The following ALMS1 variants were observed in gnomAD, a reference collection of about 807,000 sequenced individuals.
The protein encoded by ALMS1 is centrosome-associated protein ALMS1.
ALMS1 carries 271 observed loss-of-function variants against 352.2 expected under a neutral mutation model. That is an observed-to-expected ratio of 0.77 (90% CI 0.70 to 0.85). The LOEUF is 0.85. Ranked by LOEUF, ALMS1 falls within the 40% of genes least tolerant of loss-of-function variation. The pLI, the probability that ALMS1 is intolerant of heterozygous loss-of-function variation, is 0.00. For synonymous variants in ALMS1, 1,865 were observed against 1,761.2 expected, an observed-to-expected ratio of 1.06 and a Z score of -1.48; for missense variants, 5,445 against 4,870.7, an observed-to-expected ratio of 1.12 and a Z score of -3.51.
chr2:73,393,403 TA>T (rs1046055970), intron 1 of ALMS1, among the ~76,000 whole-genome samples: 1 of 151,912 alleles, frequency 6.6e-6, no homozygotes, highest in Non-Finnish European at 1.5e-5. Context: ...TTTTTTTTTT[TA>T]AATTTTATTG....
chr2:73,588,433 C>T (rs555187319), intron 16 of ALMS1, among the ~76,000 whole-genome samples: 1 of 152,176 alleles, frequency 6.6e-6, no homozygotes, highest in East Asian at 1.9e-4. Flanking sequence ...CTCTATTCTT[C>T]TTCTGATTAC....
chr2:73,466,507 G>C (rs1414576145), intron 9 of ALMS1, among the ~76,000 whole-genome samples: 1 of 125,436 alleles, frequency 8.0e-6, no homozygotes, highest in African/African-American at 3.1e-5. Flanking sequence ...GGGGGGAGGG[G>C]GGAGGGATAG....
chr2:73,517,019 C>T (rs181861976), intron 10 of ALMS1, among the ~76,000 whole-genome samples: 1 of 152,058 alleles, frequency 6.6e-6, no homozygotes, highest in African/African-American at 2.4e-5. Context: ...AGATTTCAGT[C>T]TATTACTCTG....
chr2:73,402,993 C>T (rs904385066), intron 1 of ALMS1, among the ~76,000 whole-genome samples: 8 of 152,074 alleles, frequency 5.3e-5, no homozygotes, highest in African/African-American at 1.9e-4. Flanking sequence ...ACTGTCTTCT[C>T]ATTTTGTTGA....
intron 1 of ALMS1, among the ~76,000 whole-genome samples, chr2:73,399,599 C>T (rs991836806): frequency 6.6e-6 from 1 of 151,884 alleles, no homozygotes; most frequent in Non-Finnish European, 1.5e-5. Flanking sequence ...CATGAAGGAT[C>T]TGCCCCCATG....
chr2:73,517,021 ATTACTC>A (rs1558677983), intron 10 of ALMS1, among the ~76,000 whole-genome samples: 1 of 152,006 alleles, frequency 6.6e-6, no homozygotes, highest in Non-Finnish European at 1.5e-5. Context: ...ATTTCAGTCT[ATTACTC>A]TGACTCAGCC....
Position 73,449,836 on chromosome 2 carries a change from T to C in ALMS1, c.3309T>C (p.Pro1103=). The change falls in exon 8 of 23, where the codon CCT becomes CCC. Residue 1103 remains proline (P), a synonymous_variant. Coordinates refer to ENST00000613296, the MANE Select transcript of ALMS1 (RefSeq NM_001378454.1). ...PSTFYSQREK[P]GIFYQQTLPE... is the part of the protein sequence containing the mutation. ...CTTTCTACTCACAAAGAGAGAAGCC[T>C]GGTATTTTCTACCAACAGACCTTGC... The C allele has an allele frequency of 1.9e-6, 3 of 1,614,052 alleles. No individual in the cohort carries two copies. Among genetic ancestry groups the C allele is most frequent in the Non-Finnish European group, 2.5e-6 (3 of 1,179,968 alleles).
At position 73,489,654 on chromosome 2, in the gene ALMS1, A is replaced by G. The variant is rs944178146; in HGVS notation, c.7695A>G (p.Gly2565=). 1 of 1,614,118 alleles carries G rather than the reference A, an allele frequency of 6.2e-7. No individual in the cohort carries two copies. Among genetic ancestry groups the G allele is most frequent in the African/African-American group, 1.3e-5 (1 of 75,028 alleles). Residue 2565 remains glycine, a synonymous_variant, in exon 10 of 23, where the codon GGA becomes GGG. Coordinates refer to ENST00000613296, the MANE Select transcript of ALMS1 (RefSeq NM_001378454.1). ...DLSKGLQSPR[G]MGCKPEAVCS... ...TCTAGGGTTTACAGAGTCCACGGGG[A>G]ATGGGATGCAAGCCAGAAGCTGTAT...
At chr2:73,562,064 C>A (rs993213414) in intron 15 of ALMS1, among the ~76,000 whole-genome samples, 1 of 151,228 alleles carries the variant, frequency 6.6e-6, no homozygotes, top group African/African-American at 2.4e-5. Context: ...AGTGAAAATC[C>A]AACACAATGA....
At chr2:73,399,238 TTCTTG>T (rs2103652274) in intron 1 of ALMS1, among the ~76,000 whole-genome samples, 1 of 152,318 alleles carries the variant, frequency 6.6e-6, no homozygotes, top group African/African-American at 2.4e-5. Flanking sequence ...TTATTTCCTT[TTCTTG>T]TCTTATTGCA....
Position 73,452,002 on chromosome 2 carries a change from A to G in ALMS1, c.5475A>G (p.Glu1825=). Reference sequence around the variant, plus strand: ...AGCGAGAGTTGCCGCATTTTACTGAAGCAGGTTTGAAAATTTTAAGAGTTC... The same window carrying G: ...AGCGAGAGTTGCCGCATTTTACTGAGGCAGGTTTGAAAATTTTAAGAGTTC... ...SYQRELPHFT[E]AGLKILRVPG... The change falls in exon 8 of 23, where the codon GAA becomes GAG. Residue 1825 remains glutamate (E), a synonymous_variant. Coordinates refer to ENST00000613296, the MANE Select transcript of ALMS1 (RefSeq NM_001378454.1). 2 of 1,613,814 alleles carry G rather than the reference A, an allele frequency of 1.2e-6. No individual in the cohort carries two copies. Among genetic ancestry groups the G allele is most frequent in the South Asian group, 1.1e-5 (1 of 91,076 alleles).
At chr2:73,471,713 G>T (rs886685236) in intron 9 of ALMS1, among the ~76,000 whole-genome samples, 1 of 151,714 alleles carries the variant, frequency 6.6e-6, no homozygotes, top group Non-Finnish European at 1.5e-5. Flanking sequence ...AAAACAAATG[G>T]TAACAAGTGT....
At chr2:73,493,842 A>C (rs1474733076) in intron 10 of ALMS1, among the ~76,000 whole-genome samples, 1 of 152,224 alleles carries the variant, frequency 6.6e-6, no homozygotes, top group Non-Finnish European at 1.5e-5. Flanking sequence ...AATAGCACAG[A>C]GAGTTTCTGT....
rs377249623 is a variant in ALMS1, at chr2:73,490,614, A to G, written c.8655A>G (p.Arg2885=). The G allele has an allele frequency of 5.6e-6, 9 of 1,614,114 alleles. 1 individual carries two copies. In the African/African-American group the frequency reaches 1.2e-4, roughly 22 times the overall value. The change falls in exon 10 of 23, where the codon CGA becomes CGG. Residue 2885 remains arginine (R), a synonymous_variant. Coordinates refer to ENST00000613296, the MANE Select transcript of ALMS1 (RefSeq NM_001378454.1). ...CTTCTTGCATTTTTCTTGAACAACGAGAGCTCTTTGAACAAAGCAAAGCCC... is the reference window on the plus strand; with the variant it reads ...CTTCTTGCATTTTTCTTGAACAACGGGAGCTCTTTGAACAAAGCAAAGCCC... ...DLPSCIFLEQ[R]ELFEQSKAPR...
rs1331171892 is a variant in ALMS1, at chr2:73,455,446, C to G, written c.7674+151C>G. The G allele has an allele frequency of 7.2e-6, 7 of 972,696 alleles. No homozygotes were observed. In the East Asian group the frequency reaches 1.9e-4, roughly 26 times the overall value. 60.3% of individuals were successfully genotyped at this position (972,696 alleles called of 1,614,324 possible). On this transcript the variant is annotated intron_variant, in intron 9 of 22. Transcript: ENST00000613296. ...TTTGAGACAGTCTTGCTCTGTTGCC[C>G]AGGCTGAAGTGCAGCAGTGCAATCA...
intron 9 of ALMS1, among the ~76,000 whole-genome samples, chr2:73,476,934 CAA>C (rs1465596191): frequency 6.6e-6 from 1 of 152,150 alleles, no homozygotes; most frequent in Non-Finnish European, 1.5e-5. Context: ...ATTGATAAAA[CAA>C]GAGTTAAGTT....
chr2:73,607,471 T>C (rs1675840437), intron 21 of ALMS1, among the ~76,000 whole-genome samples: 1 of 152,062 alleles, frequency 6.6e-6, no homozygotes, highest in Non-Finnish European at 1.5e-5. Context: ...CACAAGATCC[T>C]CTCTGCAGCC....
Position 73,451,210 on chromosome 2 carries a change from T to A in ALMS1, c.4683T>A (p.Thr1561=), listed in dbSNP as rs2103783628. 2 of 1,613,976 alleles carry A rather than the reference T, an allele frequency of 1.2e-6. No homozygotes were observed. Among genetic ancestry groups the A allele is most frequent in the Middle Eastern group, 1.6e-4 (1 of 6,062 alleles). Residue 1561 remains threonine (T), a synonymous_variant, in exon 8 of 23, where the codon ACT becomes ACA. Coordinates refer to ENST00000613296, the MANE Select transcript of ALMS1 (RefSeq NM_001378454.1). ...SSAPGPADQT[T]GIPTITSTSY... Reference sequence around the variant, plus strand: ...CTCCTGGACCAGCTGACCAGACAACTGGCATACCAACCATAACCTCTACTT... The same window carrying A: ...CTCCTGGACCAGCTGACCAGACAACAGGCATACCAACCATAACCTCTACTT...
rs930831783 is a variant in ALMS1, at chr2:73,447,972, A to G, written c.1445A>G (p.Lys482Arg). The change falls in exon 8 of 23, where the codon AAA becomes AGA. Residue 482 changes from lysine to arginine, a missense_variant. Physicochemically the swap from Lys to Arg is conservative, Grantham distance 26. Coordinates refer to ENST00000613296, the MANE Select transcript of ALMS1 (RefSeq NM_001378454.1). ...TCTTTTTCTTTAGGAGACACTTCTA[A>G]AGGAGGCATAGCTAAAGTTACTCAA... ...PKHLKAGDTS[K>R]GGIAKVTQSN... 7 of 1,611,486 alleles carry G rather than the reference A, an allele frequency of 4.3e-6. No individual in the cohort carries two copies. The African/African-American group carries it at 9.4e-5, about 22-fold the overall frequency.
Sources: allele counts gnomAD v4.1 joint callset (sites outside exome capture counted in the v4.1 genomes callset), GRCh38; gene constraint gnomAD v4.1.1; transcripts MANE v1.5; gene names NCBI Gene and HGNC (gene_info 2026-07-23, HGNC 2026-07-21).